Variants in HNF4G observed in about 807,000 individuals in gnomAD.
HNF4G encodes hepatocyte nuclear factor 4 gamma.
Under a neutral mutation model 50.9 loss-of-function variants are expected in HNF4G, and 21 were observed. The ratio of observed to expected loss-of-function variants is 0.41; its 90% CI spans 0.29 to 0.59. HNF4G has a LOEUF of 0.59. Among genes scored for constraint, HNF4G ranks in the 20% least tolerant of loss-of-function variants. The pLI, the probability that HNF4G is intolerant of heterozygous loss-of-function variation, is 0.26. For synonymous variants in HNF4G, 198 were observed against 185.6 expected (o/e 1.07, Z -0.54); for missense variants, 527 against 559.4 (o/e 0.94, Z 0.58).
intron 2 of HNF4G, among the ~76,000 whole-genome samples, chr8:75,520,431 G>A (rs1357336489): frequency 6.7e-6 from 1 of 149,020 alleles, no homozygotes; most frequent in East Asian, 2.0e-4. Context: ...TTCTTTTTAT[G>A]TTTTTTTTTA....
At chr8:75,535,355 T>C (rs909805996), upstream of HNF4G, among the ~76,000 whole-genome samples, 1 of 151,550 alleles carries the variant, frequency 6.6e-6, no homozygotes, top group Non-Finnish European at 1.5e-5. Context: ...AAATATGATT[T>C]TTTTTTAATT....
intron 1 of HNF4G, among the ~76,000 whole-genome samples, chr8:75,443,118 A>G (rs1811326399): frequency 6.6e-6 from 1 of 152,148 alleles, no homozygotes; most frequent in South Asian, 2.1e-4. Flanking sequence ...AAATCTAGCT[A>G]GTCTCTTCTA....
chr8:75,461,928 A>ATATT (rs1481909660), intron 1 of HNF4G, among the ~76,000 whole-genome samples: 2 of 40,020 alleles, frequency 5.0e-5, no homozygotes, highest in East Asian at 4.5e-4. Flanking sequence ...ATATATATAT[A>ATATT]TTTTTTTAGA....
chr8:75,559,762 A>G (rs1011772754), intron 8 of HNF4G, among the ~76,000 whole-genome samples: 1 of 151,976 alleles, frequency 6.6e-6, no homozygotes, highest in Non-Finnish European at 1.5e-5. Flanking sequence ...ATACAACCTA[A>G]TACATATATA....
chr8:75,458,787 G>A lies in HNF4G; in HGVS notation c.-143-31302G>A, dbSNP rs116304976. Among the ~76,000 whole-genome samples the A allele has an allele frequency of 4.1e-3, 625 of 152,194 alleles. 1 individual carries two copies. The highest frequency in any genetic ancestry group is 0.014 in the African/African-American group (589 of 41,534). ...GTTAAGAATACAGTTTTCATCTCAT[G>A]TGTGTTTTTAAATCAAAAGTGAAAA... On this transcript the variant is annotated intron_variant, in intron 1 of 10. Coordinates refer to the HNF4G transcript ENST00000354370.
At chr8:75,562,035 C>T (rs923564386) in intron 9 of HNF4G, among the ~76,000 whole-genome samples, 3 of 152,142 alleles carry the variant, frequency 2.0e-5, no homozygotes, top group African/African-American at 7.2e-5. Flanking sequence ...ACCAAACCTA[C>T]TACTAACTCA....
At chr8:75,499,460 T>A (rs1812865901) in intron 2 of HNF4G, among the ~76,000 whole-genome samples, 1 of 152,034 alleles carries the variant, frequency 6.6e-6, no homozygotes, top group Admixed American at 6.5e-5. Context: ...ACTCCACAAA[T>A]TGATTTACAT....
intron 1 of HNF4G, among the ~76,000 whole-genome samples, chr8:75,423,003 G>A (rs557719207): frequency 3.3e-5 from 5 of 152,264 alleles, no homozygotes; most frequent in South Asian, 2.1e-4. Context: ...GTTAGGAGCA[G>A]AGATGATATT....
chr8:75,419,073 A>C (rs1385896073), intron 1 of HNF4G, among the ~76,000 whole-genome samples: 4 of 152,152 alleles, frequency 2.6e-5, no homozygotes, highest in Non-Finnish European at 5.9e-5. Context: ...CCTGCTACTT[A>C]TGTACAAACC....
intron 1 of HNF4G, among the ~76,000 whole-genome samples, chr8:75,434,940 A>G (rs771505707): frequency 9.9e-5 from 15 of 152,214 alleles, no homozygotes; most frequent in Middle Eastern, 3.2e-3. Context: ...TCCATAAAGA[A>G]CATACGAATC....
At chr8:75,556,209 T>C in intron 6 of HNF4G, 140 bp downstream of exon 6, 1 of 448,558 alleles carries the variant, frequency 2.2e-6, no homozygotes. Context: ...AATTTAATTG[T>C]GTCCTCACTT....
chr8:75,556,413 C>G (rs1427878762), intron 6 of HNF4G, among the ~76,000 whole-genome samples: 1 of 152,070 alleles, frequency 6.6e-6, no homozygotes, highest in Non-Finnish European at 1.5e-5. Flanking sequence ...TTTCATATTT[C>G]CTCAGAGTCT....
upstream of HNF4G, among the ~76,000 whole-genome samples, chr8:75,536,850 C>T (rs1261702951): frequency 2.0e-5 from 3 of 151,872 alleles, no homozygotes; most frequent in African/African-American, 7.3e-5. Context: ...CTCATCCACC[C>T]TCTTCATTCT....
intron 2 of HNF4G, among the ~76,000 whole-genome samples, chr8:75,514,776 A>G (rs1300537885): frequency 6.6e-6 from 1 of 152,134 alleles, no homozygotes; most frequent in Non-Finnish European, 1.5e-5. Context: ...GACATTTATA[A>G]TGATTGCTTA....
At chr8:75,543,754 C>CA in intron 1 of HNF4G, 57 bp from the exon 2 acceptor site, 1 of 1,419,170 alleles carries the variant, frequency 7.0e-7, no homozygotes, top group Non-Finnish European at 9.7e-7. Context: ...ATTAGTAGGA[C>CA]AATTTAGTCA....
At chr8:75,485,060 C>G (rs1397475749) in intron 1 of HNF4G, among the ~76,000 whole-genome samples, 1 of 152,098 alleles carries the variant, frequency 6.6e-6, no homozygotes, top group African/African-American at 2.4e-5. Flanking sequence ...AAATGGTCAA[C>G]TTTGTAGGTC....
At chr8:75,514,354 C>CTTTTTTTTTTCTTTTTT (rs1805837081) in intron 2 of HNF4G, among the ~76,000 whole-genome samples, 2 of 125,026 alleles carry the variant, frequency 1.6e-5, no homozygotes, top group African/African-American at 3.1e-5. Context: ...TTTCTTCTTT[C>CTTTTTTTTTTCTTTTTT]TTTTTTTTTT....
At chr8:75,473,067 T>C (rs1025626972) in intron 1 of HNF4G, among the ~76,000 whole-genome samples, 1 of 152,038 alleles carries the variant, frequency 6.6e-6, no homozygotes. Context: ...CCCAGCACTT[T>C]GGGAGGCCGA....
intron 2 of HNF4G, among the ~76,000 whole-genome samples, chr8:75,511,748 G>T (rs552583858): frequency 6.6e-6 from 1 of 152,230 alleles, no homozygotes; most frequent in African/African-American, 2.4e-5. Context: ...CTGTCACTGC[G>T]CCCGGCTAAT....
Sources: gnomAD v4.1 joint callset for allele counts (sites outside exome capture counted in the v4.1 genomes callset) on GRCh38, gnomAD v4.1.1 for gene constraint, MANE v1.5 for transcripts, NCBI Gene and HGNC (gene_info 2026-07-23, HGNC 2026-07-21) for gene names.